ALMS1: variants seen among roughly 807,000 people sequenced by gnomAD.
ALMS1 encodes ALMS1 centrosome and basal body associated protein, also known as centrosome-associated protein ALMS1.
ALMS1 carries 271 observed loss-of-function variants against 352.2 expected under a neutral mutation model. The ratio of observed to expected loss-of-function variants is 0.77; its 90% CI spans 0.70 to 0.85. ALMS1 has a LOEUF of 0.85. ALMS1 is among the 40% of genes least tolerant of loss of function. The pLI is 0.00. For missense variants in ALMS1, 5,445 were observed against 4,870.7 expected (o/e 1.12, Z -3.51); for synonymous variants, 1,865 against 1,761.2 (o/e 1.06, Z -1.48).
chr2:73,605,948 G>A (rs116857290), intron 21 of ALMS1, among the ~76,000 whole-genome samples: 4 of 152,130 alleles, frequency 2.6e-5, no homozygotes, highest in East Asian at 1.9e-4. Context: ...AACTTCTCTC[G>A]TTTCCAAGTA....
At chr2:73,599,616 A>T in intron 17 of ALMS1, 95 bp downstream of exon 17, 1 of 1,427,510 alleles carries the variant, frequency 7.0e-7, no homozygotes, top group Non-Finnish European at 9.8e-7. Context: ...AAGGACATGA[A>T]GATAAAACTA....
At chr2:73,524,772 T>C (rs954918213) in intron 11 of ALMS1, among the ~76,000 whole-genome samples, 2 of 152,196 alleles carry the variant, frequency 1.3e-5, no homozygotes, top group African/African-American at 4.8e-5. Flanking sequence ...TATTTTAAAA[T>C]GTACAGTGAA....
At chr2:73,530,556 A>G (rs762026402) in intron 11 of ALMS1, among the ~76,000 whole-genome samples, 2 of 152,196 alleles carry the variant, frequency 1.3e-5, no homozygotes, top group Admixed American at 6.5e-5. Flanking sequence ...GCACAGTGCA[A>G]GCTGTTGGTG....
chr2:73,603,376 G>C, intron 21 of ALMS1, 72 bp downstream of exon 21: 3 of 1,364,750 alleles, frequency 2.2e-6, no homozygotes, highest in Non-Finnish European at 3.1e-6. Flanking sequence ...GCTCTGGCTT[G>C]CACCCAGAAT....
chr2:73,520,878 A>G (rs567139453), intron 11 of ALMS1, among the ~76,000 whole-genome samples: 9 of 152,202 alleles, frequency 5.9e-5, no homozygotes, highest in Admixed American at 2.0e-4. Flanking sequence ...TTAACAATTA[A>G]GTTTCCATTC....
Position 73,608,494 on chromosome 2 carries a change from G to A in ALMS1, c.12382G>A (p.Glu4128Lys). Residue 4128 changes from glutamate (E) to lysine (K), a missense_variant, in exon 22 of 23, where the codon GAA (glutamate) becomes AAA (lysine). Physicochemically the swap from Glu to Lys is moderately conservative, Grantham distance 56 (BLOSUM62 1). Coordinates refer to ENST00000613296, the MANE Select transcript of ALMS1 (RefSeq NM_001378454.1). Reference protein sequence around the residue: ...RSKRIYEQLPEVQKKREEEKR... With the variant: ...RSKRIYEQLPKVQKKREEEKR... ...TCTAAGGATTTATGAGCAGCTTCCA[G>A]AAGTACAGAAAAAGAGAGAAGAAGA... is the stretch of plus-strand genomic sequence containing the variant. 6.2e-7 allele frequency: 1 copy of A among 1,613,840 alleles called. No homozygotes were observed. Among genetic ancestry groups the A allele is most frequent in the African/African-American group, 1.3e-5 (1 of 75,018 alleles).
chr2:73,605,676 C>A (rs540857911), intron 21 of ALMS1, among the ~76,000 whole-genome samples: 1 of 151,982 alleles, frequency 6.6e-6, no homozygotes, highest in Non-Finnish European at 1.5e-5. Flanking sequence ...AAAGACTTCT[C>A]TACTAAAACT....
At chr2:73,571,628 C>T (rs1329547592) in intron 15 of ALMS1, among the ~76,000 whole-genome samples, 1 of 151,844 alleles carries the variant, frequency 6.6e-6, no homozygotes, top group Non-Finnish European at 1.5e-5. Context: ...GGGACGCAAA[C>T]ATTCAAACCA....
At chr2:73,513,424 C>T (rs753990879) in intron 10 of ALMS1, among the ~76,000 whole-genome samples, 3 of 152,164 alleles carry the variant, frequency 2.0e-5, no homozygotes, top group African/African-American at 7.2e-5. Context: ...TACTTGGATG[C>T]CCTCATCTTG....
rs1354448655 is a variant in ALMS1 at position 73,557,346 on chromosome 2, A to G, written c.10205A>G (p.Asp3402Gly). 3.1e-6 allele frequency: 5 copies of G among 1,614,142 alleles called. No individual in the cohort carries two copies. The highest frequency in any genetic ancestry group is 4.2e-6 in the Non-Finnish European group (5 of 1,179,990). ...QAKEKESLQK[D>G]TADSSAAAAA... ...AAAGAAAAAGAATCTTTGCAGAAAGATACTGCAGGTAGCTAAACTGGATTG... is the reference window on the plus strand; with the variant it reads ...AAAGAAAAAGAATCTTTGCAGAAAGGTACTGCAGGTAGCTAAACTGGATTG... Residue 3402 changes from aspartate (D) to glycine (G), a missense_variant, in exon 14 of 23, where the codon GAT becomes GGT. Asp to Gly is a moderately conservative substitution (Grantham distance 94, BLOSUM62 -1). Coordinates refer to ENST00000613296, the MANE Select transcript of ALMS1 (RefSeq NM_001378454.1).
chr2:73,435,730 C>T (rs2103742317), intron 7 of ALMS1, among the ~76,000 whole-genome samples: 1 of 151,974 alleles, frequency 6.6e-6, no homozygotes, highest in African/African-American at 2.4e-5. Flanking sequence ...TTGTGAGGCC[C>T]ACAGGTGTGT....
chr2:73,577,678 T>C (rs1675082353), intron 16 of ALMS1, among the ~76,000 whole-genome samples: 1 of 152,194 alleles, frequency 6.6e-6, no homozygotes, highest in African/African-American at 2.4e-5. Context: ...ATTGACTGTT[T>C]AGGACAGTGT....
At chr2:73,593,191 G>GA (rs1001144321) in intron 16 of ALMS1, among the ~76,000 whole-genome samples, 1,706 of 133,836 alleles carry the variant, frequency 0.013, 14 homozygotes, top group Middle Eastern at 0.02. Context: ...ATGGATTCAG[G>GA]AAAAAAAAAA....
rs533970860 is a variant in ALMS1 at position 73,484,790 on chromosome 2, C to G, written c.7675-4844C>G. Among the ~76,000 whole-genome samples the G allele has an allele frequency of 5.4e-4, 82 of 152,246 alleles. 1 individual carries two copies. The highest frequency in any genetic ancestry group is 2.0e-3 in the African/African-American group (81 of 41,534). On this transcript the variant is annotated intron_variant, in intron 9 of 22. Transcript: ENST00000613296. Reference sequence around the variant, plus strand: ...TGCTCATTTCTTTTTATTCTTTTTTCTCTAAACTTCCCTTCTCGCTTCATT... The same window carrying G: ...TGCTCATTTCTTTTTATTCTTTTTTGTCTAAACTTCCCTTCTCGCTTCATT...
At chr2:73,492,733 G>A (rs1673017047) in intron 10 of ALMS1, among the ~76,000 whole-genome samples, 1 of 152,134 alleles carries the variant, frequency 6.6e-6, no homozygotes. Flanking sequence ...ATAGAGATCA[G>A]TAATGATACC....
Position 73,424,644 on chromosome 2 carries a change from G to T in ALMS1, c.979G>T (p.Val327Phe). The part of the protein sequence containing the change: ...QGNNEETISS[V>F]DELKIPKDCD... ...GAATAATGAAGAGACTATTTCGTCTGTTGATGAACTGAAAATTCCCAAAGA... is the reference window on the plus strand; with the variant it reads ...GAATAATGAAGAGACTATTTCGTCTTTTGATGAACTGAAAATTCCCAAAGA... The change falls in exon 5 of 23, where the codon GTT (valine) becomes TTT (phenylalanine). Residue 327 changes from valine to phenylalanine, a missense_variant. Coordinates refer to ENST00000613296, the MANE Select transcript of ALMS1 (RefSeq NM_001378454.1). 1 of 1,614,042 alleles carries T rather than the reference G, an allele frequency of 6.2e-7. No homozygotes were observed. The highest frequency in any genetic ancestry group is 8.5e-7 in the Non-Finnish European group (1 of 1,180,008).
intron 9 of ALMS1, among the ~76,000 whole-genome samples, chr2:73,472,266 A>G (rs1375807559): frequency 1.3e-5 from 2 of 152,024 alleles, no homozygotes; most frequent in Non-Finnish European, 2.9e-5. Flanking sequence ...AAATTTATAA[A>G]CAAGTTTTTA....
intron 10 of ALMS1, among the ~76,000 whole-genome samples, chr2:73,518,387 T>TGGG (rs1673603239): frequency 6.6e-6 from 1 of 152,210 alleles, no homozygotes; most frequent in African/African-American, 2.4e-5. Flanking sequence ...TTTAGGTTGA[T>TGGG]TCATGTCTTT....
chr2:73,453,894 T>C lies in ALMS1; in HGVS notation c.7367T>C (p.Ile2456Thr), dbSNP rs894421376. The C allele has an allele frequency of 8.1e-6, 13 of 1,613,974 alleles. No individual in the cohort carries two copies. In the African/African-American group the frequency reaches 1.5e-4, roughly 18 times the overall value. The change falls in exon 8 of 23, where the codon ATA becomes ACA. Residue 2456 changes from isoleucine to threonine, a missense_variant. Transcript: ENST00000613296. The stretch of plus-strand genomic sequence containing the variant: ...CCATATGTTTCACCCAAGACAAGTA[T>C]AACAGATAGCAGGGAGGAAGAGGGT... The part of the protein sequence containing the change: ...FFPYVSPKTS[I>T]TDSREEEGVS...
Sources: allele counts gnomAD v4.1 joint callset (sites outside exome capture counted in the v4.1 genomes callset), GRCh38; gene constraint gnomAD v4.1.1; transcripts MANE v1.5; gene names NCBI Gene and HGNC (gene_info 2026-07-23, HGNC 2026-07-21).